ACAP2: variants seen among roughly 807,000 people sequenced by gnomAD.
ACAP2 encodes the protein arf-GAP with coiled-coil, ANK repeat and PH domain-containing protein 2.
ACAP2 carries 39 observed loss-of-function variants against 115.8 expected under a neutral mutation model. The observed-to-expected ratio is 0.34, with a 90% confidence interval of 0.26 to 0.44. The LOEUF is 0.44. Ranked by LOEUF, ACAP2 falls within the 20% of genes least tolerant of loss-of-function variation. ACAP2 has a pLI of 1.00. For synonymous variants in ACAP2, 289 were observed against 315.8 expected (o/e 0.92, Z 0.90); for missense variants, 662 against 927.6 (o/e 0.71, Z 3.72).
At chr3:195,440,642 A>G (rs971823203) in intron 1 of ACAP2, among the ~76,000 whole-genome samples, 1 of 152,226 alleles carries the variant, frequency 6.6e-6, no homozygotes. Flanking sequence ...CAACATACAC[A>G]ATACTCTCAA....
intron 1 of ACAP2, among the ~76,000 whole-genome samples, chr3:195,413,620 C>T (rs1309289818): frequency 6.6e-6 from 1 of 151,954 alleles, no homozygotes; most frequent in African/African-American, 2.4e-5. Flanking sequence ...TGTGGTGGTG[C>T]ACCTGCAATC....
intron 9 of ACAP2, among the ~76,000 whole-genome samples, chr3:195,322,705 T>C (rs544223736): frequency 2.0e-5 from 3 of 152,230 alleles, no homozygotes. Context: ...AATATAAATA[T>C]AATTGACTTT....
chr3:195,442,457 G>A (rs1447964316), intron 1 of ACAP2, among the ~76,000 whole-genome samples: 4 of 152,246 alleles, frequency 2.6e-5, no homozygotes, highest in Non-Finnish European at 4.4e-5. Context: ...AAGGGGGCGA[G>A]AGCGAGCGCC....
intron 1 of ACAP2, among the ~76,000 whole-genome samples, chr3:195,419,282 G>C (rs1713984414): frequency 6.6e-6 from 1 of 152,132 alleles, no homozygotes; most frequent in South Asian, 2.1e-4. Context: ...TCGACTTTCT[G>C]TCTGGGTAGA....
At chr3:195,403,237 G>C (rs927922284) in intron 1 of ACAP2, among the ~76,000 whole-genome samples, 2 of 152,182 alleles carry the variant, frequency 1.3e-5, no homozygotes, top group Non-Finnish European at 1.5e-5. Context: ...CTGTACGGCC[G>C]AAACAGAACC....
At chr3:195,283,986 T>G (rs576615687) in intron 22 of ACAP2, among the ~76,000 whole-genome samples, 1 of 152,190 alleles carries the variant, frequency 6.6e-6, no homozygotes, top group Non-Finnish European at 1.5e-5. Flanking sequence ...TGGAAGACAT[T>G]TGAATGCTCC....
chr3:195,308,888 T>C (rs1308024099), intron 10 of ACAP2, 51 bp from the exon 11 acceptor site: 1 of 1,493,992 alleles, frequency 6.7e-7, no homozygotes, highest in Admixed American at 1.9e-5. Context: ...TTTATTTCCA[T>C]TGTTGTTAGA....
At chr3:195,387,582 C>G (rs567565881) in intron 2 of ACAP2, among the ~76,000 whole-genome samples, 2 of 152,070 alleles carry the variant, frequency 1.3e-5, no homozygotes, top group African/African-American at 4.8e-5. Context: ...AGTGCAGTGG[C>G]GCACGCACAC....
rs560347997 is a variant in ACAP2, at chr3:195,384,880, C to A, written c.112-2858G>T. Among the ~76,000 whole-genome samples the A allele has an allele frequency of 2.0e-5, 3 of 152,058 alleles. No individual in the cohort carries two copies. The East Asian group carries it at 5.8e-4, about 29-fold the overall frequency. ...GTGGTATTATGCAACAAATTAAATT[C>A]AAAAATAATTAAAAGTTTCCATAAA... On this transcript the variant is annotated intron_variant, in intron 2 of 22. Coordinates refer to ENST00000326793, the MANE Select transcript of ACAP2 (RefSeq NM_012287.6).
At chr3:195,413,932 A>G (rs1713497788) in intron 1 of ACAP2, among the ~76,000 whole-genome samples, 1 of 152,044 alleles carries the variant, frequency 6.6e-6, no homozygotes, top group Non-Finnish European at 1.5e-5. Context: ...CTATGACTGT[A>G]TCACTACGCT....
At chr3:195,391,725 T>C (rs1237748205) in intron 2 of ACAP2, among the ~76,000 whole-genome samples, 2 of 152,104 alleles carry the variant, frequency 1.3e-5, no homozygotes, top group African/African-American at 4.8e-5. Flanking sequence ...CCAGGTGCGA[T>C]GGCTCACTCC....
chr3:195,290,706 AGG>A (rs571861370), intron 20 of ACAP2, among the ~76,000 whole-genome samples: 186 of 152,022 alleles, frequency 1.2e-3, no homozygotes, highest in African/African-American at 4.1e-3. Context: ...CCAGCTACTC[AGG>A]GGGCTAAGGC....
intron 9 of ACAP2, among the ~76,000 whole-genome samples, chr3:195,322,601 GA>G (rs953665341): frequency 6.7e-6 from 1 of 150,128 alleles, no homozygotes; most frequent in African/African-American, 2.5e-5. Context: ...TTCTTTGGGG[GA>G]AAAAAAAATC....
At chr3:195,318,164 C>A (rs1255447715) in intron 10 of ACAP2, among the ~76,000 whole-genome samples, 6 of 152,182 alleles carry the variant, frequency 3.9e-5, no homozygotes, top group African/African-American at 7.2e-5. Context: ...CCTGAGGCTT[C>A]CCCAGCCATG....
intron 1 of ACAP2, among the ~76,000 whole-genome samples, chr3:195,405,487 C>T (rs1712686876): frequency 6.6e-6 from 1 of 152,060 alleles, no homozygotes; most frequent in African/African-American, 2.4e-5. Flanking sequence ...GAGTTCGAGA[C>T]CAGCCTGATC....
Position 195,322,752 on chromosome 3 carries a change from G to GT in ACAP2, c.745-1940dup, listed in dbSNP as rs1729532718. On this transcript the variant is annotated intron_variant, in intron 9 of 22. Coordinates refer to ENST00000326793, the MANE Select transcript of ACAP2 (RefSeq NM_012287.6). The stretch of plus-strand genomic sequence containing the variant: ...AAAGGTTTCATTTGTAACATCTGCA[G>GT]TTTTTCAAAACCTTGGTCAACTTAA... Among the ~76,000 whole-genome samples the GT allele has an allele frequency of 6.6e-5, 10 of 152,302 alleles. No homozygotes were observed. In the South Asian group the frequency reaches 2.1e-3, roughly 32 times the overall value.
Position 195,367,799 on chromosome 3 carries a change from T to C in ACAP2, c.285+13210A>G, listed in dbSNP as rs372812873. 4.6e-5 allele frequency among the ~76,000 whole-genome samples: 7 copies of C among 151,834 alleles called. No homozygotes were observed. In the East Asian group the frequency reaches 5.8e-4, roughly 13 times the overall value. On this transcript the variant is annotated intron_variant, in intron 4 of 22. Coordinates refer to ENST00000326793, the MANE Select transcript of ACAP2 (RefSeq NM_012287.6). ...CTAGAAGATGAGAGACTCCAAAGGG[T>C]GAAAGAAGCTCAGCCAACACCAGTC...
At chr3:195,438,142 C>T (rs1266198086) in intron 1 of ACAP2, among the ~76,000 whole-genome samples, 1 of 151,284 alleles carries the variant, frequency 6.6e-6, no homozygotes, top group Non-Finnish European at 1.5e-5. Context: ...TCTCCTGCCT[C>T]AGCCTCCCGA....
chr3:195,349,806 AT>A (rs374545506), intron 4 of ACAP2: 36 of 344,774 alleles, frequency 1.0e-4, no homozygotes, highest in African/African-American at 7.0e-4. Flanking sequence ...AGATCCAGAA[AT>A]TTGCCATGAA....
Sources: gnomAD v4.1 joint callset for allele counts (sites outside exome capture counted in the v4.1 genomes callset) on GRCh38, gnomAD v4.1.1 for gene constraint, MANE v1.5 for transcripts, NCBI Gene and HGNC (gene_info 2026-07-23, HGNC 2026-07-21) for gene names.